The following CNDP1 variants were observed in gnomAD, a reference collection of about 807,000 sequenced individuals.
The protein encoded by CNDP1 is carnosine dipeptidase 1, also known as beta-Ala-His dipeptidase.
In CNDP1, 44 loss-of-function variants were observed where a neutral mutation model predicts 58.1. The observed-to-expected ratio is 0.76, with a 90% confidence interval of 0.60 to 0.97. CNDP1 has a LOEUF of 0.97. Ranked by LOEUF, CNDP1 falls within the 50% of genes least tolerant of loss-of-function variation. The probability of loss-of-function intolerance (pLI) is 0.00; values close to 1 mark genes in which losing one functional copy is unlikely to be tolerated. For synonymous variants in CNDP1, 254 were observed against 252.6 expected (o/e 1.01, Z -0.05); for missense variants, 616 against 655.1 (o/e 0.94, Z 0.65).
At chr18:74,536,764 C>T (rs1026818394) in intron 1 of CNDP1, among the ~76,000 whole-genome samples, 5 of 152,182 alleles carry the variant, frequency 3.3e-5, no homozygotes, top group East Asian at 1.9e-4. Context: ...CTACCAACAA[C>T]GTATAAGTTT....
intron 8 of CNDP1, chr18:74,577,587 T>C (rs1380381576): frequency 6.6e-6 from 1 of 152,610 alleles, no homozygotes; most frequent in Non-Finnish European, 1.5e-5. Flanking sequence ...GTTTGGTAGC[T>C]AGGGCTGGTT....
intron 1 of CNDP1, among the ~76,000 whole-genome samples, chr18:74,551,230 G>A (rs1980898188): frequency 6.6e-6 from 1 of 151,810 alleles, no homozygotes; most frequent in Non-Finnish European, 1.5e-5. Flanking sequence ...CATGCTTCCT[G>A]TACAGCCTGC....
At chr18:74,560,300 CACCG>C (rs1354201974) in intron 3 of CNDP1, among the ~76,000 whole-genome samples, 4 of 152,216 alleles carry the variant, frequency 2.6e-5, no homozygotes, top group Non-Finnish European at 5.9e-5. Flanking sequence ...AGGCATGAGC[CACCG>C]TGCCCGGCCC....
In CNDP1 at chr18:74,534,598, T is replaced by C. The variant is rs1243258636; in HGVS notation, c.-70T>C. ...ATTTAATGTCACCCTCTTGGGGCTT[T>C]CATGGGACTCCCTCTGCCACATTTT... On this transcript the variant is annotated 5_prime_UTR_variant, in exon 1 of 12. Transcript: ENST00000358821. 2 of 1,545,992 alleles carry C rather than the reference T, an allele frequency of 1.3e-6. No homozygotes were observed. The highest frequency in any genetic ancestry group is 1.8e-6 in the Non-Finnish European group (2 of 1,118,826).
intron 1 of CNDP1, among the ~76,000 whole-genome samples, chr18:74,536,917 T>C (rs1980499402): frequency 6.6e-6 from 1 of 152,242 alleles, no homozygotes; most frequent in African/African-American, 2.4e-5. Flanking sequence ...CATATGCTTG[T>C]TGGCCACATG....
At chr18:74,567,612 T>C (rs1981364853) in intron 6 of CNDP1, among the ~76,000 whole-genome samples, 179 bp downstream of exon 6, 1 of 151,788 alleles carries the variant, frequency 6.6e-6, no homozygotes, top group Admixed American at 6.6e-5. Flanking sequence ...TTTGGGGAGG[T>C]CATGAACCCC....
chr18:74,584,805 G>GATTTC lies in CNDP1; in HGVS notation c.*244_*248dup. 2.1e-6 allele frequency: 1 copy of GATTTC among 472,062 alleles called. No homozygotes were observed. Among genetic ancestry groups the GATTTC allele is most frequent in the Non-Finnish European group, 3.8e-6 (1 of 262,452 alleles). 29.2% of individuals were successfully genotyped at this position (472,062 alleles called of 1,614,324 possible). A position where few individuals can be genotyped will look rare whatever the true frequency, so the allele number is the denominator to read the frequency against. On this transcript the variant is annotated 3_prime_UTR_variant, in exon 12 of 12. Transcript: ENST00000358821. ...AAGTCATAGCTGCTTGCAGCAACTT[G>GATTTC]ATTTCCCCAAGTCCTGTGCAATAGC...
intron 1 of CNDP1, among the ~76,000 whole-genome samples, chr18:74,537,088 C>T (rs1236041754): frequency 5.3e-5 from 8 of 152,022 alleles, no homozygotes; most frequent in East Asian, 1.9e-4. Context: ...GTAGGTTGTC[C>T]GTTTACTCTG....
rs556561655 is a variant in CNDP1, at chr18:74,563,551, T to C, written c.555+1416T>C. On this transcript the variant is annotated intron_variant, in intron 5 of 11. Coordinates refer to ENST00000358821, the MANE Select transcript of CNDP1 (RefSeq NM_032649.6). ...GGACAAGTCAGTTAATCTCTGAGCC[T>C]GACTTGCCTCATCTGTGAAGCAGGA... Among the ~76,000 whole-genome samples the C allele has an allele frequency of 5.9e-5, 9 of 152,344 alleles. No homozygotes were observed. The South Asian group carries it at 1.9e-3, about 32-fold the overall frequency.
chr18:74,540,442 G>A (rs1210350651), intron 1 of CNDP1, among the ~76,000 whole-genome samples: 1 of 152,154 alleles, frequency 6.6e-6, no homozygotes, highest in East Asian at 1.9e-4. Context: ...TTACAGGTGT[G>A]AGCCACCACG....
intron 1 of CNDP1, among the ~76,000 whole-genome samples, chr18:74,540,886 C>G (rs941006556): frequency 6.6e-6 from 1 of 152,216 alleles, no homozygotes; most frequent in African/African-American, 2.4e-5. Flanking sequence ...TGTGTGGAAT[C>G]CCTAACTCAC....
chr18:74,567,471 G>T, intron 6 of CNDP1, 38 bp downstream of exon 6: 1 of 1,556,142 alleles, frequency 6.4e-7, no homozygotes, highest in Non-Finnish European at 8.9e-7. Flanking sequence ...GAGGCCTGTG[G>T]GGGTTGTGAA....
chr18:74,545,295 G>A lies in CNDP1; in HGVS notation c.24+10604G>A, dbSNP rs1568291492. On this transcript the variant is annotated intron_variant, in intron 1 of 11. Transcript: ENST00000358821. This position sits in a 1 kb window ranked among gnomAD's most constrained non-coding sequence, Gnocchi z 4.1. ...TTTGTTCAAAGCCAAAAGGTGGCCT[G>A]AGATGCCATCGCCAGAGGTGGCCAA... 2.0e-5 allele frequency among the ~76,000 whole-genome samples: 3 copies of A among 152,202 alleles called. No individual in the cohort carries two copies. Among genetic ancestry groups the A allele is most frequent in the Admixed American group, 1.3e-4 (2 of 15,280 alleles).
In CNDP1 at chr18:74,584,805, G is replaced by A. The variant is rs142861152; in HGVS notation, c.*243G>A. On this transcript the variant is annotated 3_prime_UTR_variant, in exon 12 of 12. Coordinates refer to ENST00000358821, the MANE Select transcript of CNDP1 (RefSeq NM_032649.6). ...AAGTCATAGCTGCTTGCAGCAACTT[G>A]ATTTCCCCAAGTCCTGTGCAATAGC... 454 of 472,060 alleles carry A rather than the reference G, an allele frequency of 9.6e-4. 2 individuals are homozygous for A. Among genetic ancestry groups the A allele is most frequent in the African/African-American group, 7.8e-3 (407 of 52,008 alleles). The allele number at this position is 472,060 out of a possible 1,614,324, so 29.2% of individuals were successfully genotyped here.
chr18:74,563,710 A>C (rs1981259635), intron 5 of CNDP1, among the ~76,000 whole-genome samples: 1 of 152,090 alleles, frequency 6.6e-6, no homozygotes, highest in African/African-American at 2.4e-5. Context: ...CCTTGCCTAC[A>C]GAGCTCTTAG....
chr18:74,544,832 C>T (rs528131950), intron 1 of CNDP1, among the ~76,000 whole-genome samples: 5 of 151,256 alleles, frequency 3.3e-5, no homozygotes, highest in African/African-American at 7.3e-5. Context: ...AACCTCAGAA[C>T]GTGGCCTTAT....
intron 5 of CNDP1, among the ~76,000 whole-genome samples, chr18:74,566,373 A>T (rs1250109187): frequency 6.6e-6 from 1 of 152,166 alleles, no homozygotes; most frequent in Non-Finnish European, 1.5e-5. Context: ...CTTTTCTATC[A>T]CATAGTCAGG....
At chr18:74,540,542 G>GTTT (rs1980594238) in intron 1 of CNDP1, among the ~76,000 whole-genome samples, 1 of 152,316 alleles carries the variant, frequency 6.6e-6, no homozygotes, top group East Asian at 1.9e-4. Flanking sequence ...TGACATAAGA[G>GTTT]GGAATGGCAA....
intron 1 of CNDP1, among the ~76,000 whole-genome samples, chr18:74,542,863 C>G (rs1980660356): frequency 6.6e-6 from 1 of 152,210 alleles, no homozygotes; most frequent in African/African-American, 2.4e-5. Context: ...AGTTTAAGAC[C>G]TCGACCTGGA....
Sources: gnomAD v4.1 joint callset for allele counts (sites outside exome capture counted in the v4.1 genomes callset) on GRCh38, gnomAD v4.1.1 for gene constraint, Gnocchi (gnomAD v3.1) non-coding constraint, MANE v1.5 for transcripts, NCBI Gene and HGNC (gene_info 2026-07-23, HGNC 2026-07-21) for gene names.